Variants in COPS9 observed in about 807,000 individuals in gnomAD.
COPS9 encodes COP9 signalosome complex subunit 9.
Under a neutral mutation model 7.2 loss-of-function variants are expected in COPS9, and 8 were observed. That is an observed-to-expected ratio of 1.11 (90% CI 0.65 to 2.00). The LOEUF is 2.00. Ranked by LOEUF, COPS9 falls within the 30% of genes most tolerant of loss-of-function variation. The probability of loss-of-function intolerance (pLI) is 0.00; values close to 1 mark genes in which losing one functional copy is unlikely to be tolerated. For missense variants in COPS9, 74 were observed against 77.7 expected, an observed-to-expected ratio of 0.95 and a Z score of 0.18; for synonymous variants, 39 against 28.7, an observed-to-expected ratio of 1.36 and a Z score of -1.14.
chr2:240,135,741 C>T (rs2071970782), intron 1 of COPS9: 1 of 157,160 alleles, frequency 6.4e-6, no homozygotes, highest in African/African-American at 2.4e-5. Context: ...CCAGTCTTCC[C>T]TCATTCTAGT....
downstream of COPS9, among the ~76,000 whole-genome samples, chr2:240,130,361 T>C (rs1378870027): frequency 6.6e-6 from 1 of 152,230 alleles, no homozygotes; most frequent in African/African-American, 2.4e-5. Context: ...CAGTATCGAC[T>C]ACTGAGCTGG....
intron 1 of COPS9, 74 bp from the exon 2 acceptor site, chr2:240,134,079 ACTACCCCC>A: frequency 7.4e-7 from 1 of 1,352,916 alleles, no homozygotes; most frequent in Admixed American, 1.8e-5. Context: ...TTGCAGGGCC[ACTACCCCC>A]ACAAAAAAAG....
At position 240,136,294 on chromosome 2, in the gene COPS9, G is replaced by C. The variant is rs539035326; in HGVS notation, c.-10C>G. ...CCACCGCCGGCTTCATCTCGGGGCC[G>C]CGGCGCTCTAGGCTCACTTCCGGCC... On this transcript the variant is annotated 5_prime_UTR_variant, in exon 1 of 3. Transcript: ENST00000607357. 7 of 1,560,094 alleles carry C rather than the reference G, an allele frequency of 4.5e-6. No individual in the cohort carries two copies. Among genetic ancestry groups the C allele is most frequent in the African/African-American group, 4.2e-5 (3 of 70,656 alleles).
downstream of COPS9, among the ~76,000 whole-genome samples, chr2:240,127,537 A>C (rs1157114831): frequency 6.6e-6 from 1 of 152,084 alleles, no homozygotes; most frequent in Non-Finnish European, 1.5e-5. Flanking sequence ...TTCACATCGA[A>C]TCCTCACCCC....
downstream of COPS9, among the ~76,000 whole-genome samples, chr2:240,129,510 G>C (rs922266782): frequency 6.6e-6 from 1 of 152,128 alleles, no homozygotes; most frequent in South Asian, 2.1e-4. Flanking sequence ...CAGCTCGCTG[G>C]CAGTGGTGTT....
intron 2 of COPS9, among the ~76,000 whole-genome samples, 171 bp from the exon 3 acceptor site, chr2:240,131,259 T>C (rs777527379): frequency 8.5e-5 from 13 of 152,246 alleles, no homozygotes; most frequent in Non-Finnish European, 1.9e-4. Context: ...CCAGGGCTCG[T>C]ACATGTAGTC....
rs2071935031 is a variant in COPS9, at chr2:240,132,692, A to T, written c.136+1241T>A. The stretch of plus-strand genomic sequence containing the variant: ...CAGAGGATAAATGGGACTTTGAAGG[A>T]GATCATCAAAATGCAAGCGTGTGGT... On this transcript the variant is annotated intron_variant, in intron 2 of 2. Transcript: ENST00000607357. This position sits in a 1 kb window ranked among gnomAD's most constrained non-coding sequence, Gnocchi z 4.1. 6.6e-6 allele frequency among the ~76,000 whole-genome samples: 1 copy of T among 152,194 alleles called. No homozygotes were observed. The highest frequency in any genetic ancestry group is 2.1e-4 in the South Asian group (1 of 4,824).
downstream of COPS9, among the ~76,000 whole-genome samples, chr2:240,130,323 T>G (rs1004883297): frequency 1.6e-4 from 25 of 152,172 alleles, no homozygotes; most frequent in African/African-American, 5.6e-4. Context: ...GAGATGGATG[T>G]CAAACAGCAA....
chr2:240,129,728 G>C (rs577347249), downstream of COPS9, among the ~76,000 whole-genome samples: 1 of 152,200 alleles, frequency 6.6e-6, no homozygotes, highest in Non-Finnish European at 1.5e-5. Context: ...CAACTCTCAC[G>C]AAATGAATTG....
chr2:240,130,481 T>A (rs1011492776), downstream of COPS9, among the ~76,000 whole-genome samples: 10 of 152,210 alleles, frequency 6.6e-5, no homozygotes, highest in African/African-American at 2.4e-4. Context: ...CATCCTGTCG[T>A]CCTAGTTCTT....
chr2:240,136,140 G>A (rs2071988432), intron 1 of COPS9, 82 bp downstream of exon 1: 6 of 1,374,674 alleles, frequency 4.4e-6, no homozygotes, highest in Non-Finnish European at 5.6e-6. Context: ...CCCCTCCCCG[G>A]GACCCGCGCA....
chr2:240,136,169 G>T, intron 1 of COPS9, 53 bp downstream of exon 1: 1 of 1,322,200 alleles, frequency 7.6e-7, no homozygotes, highest in Non-Finnish European at 9.7e-7. Context: ...CCGCCCTTCC[G>T]CTCCCCCTTC....
chr2:240,129,738 G>T (rs546958535), downstream of COPS9, among the ~76,000 whole-genome samples: 1 of 152,224 alleles, frequency 6.6e-6, no homozygotes, highest in Non-Finnish European at 1.5e-5. Context: ...GAAATGAATT[G>T]CAAGAACATA....
chr2:240,130,158 G>A, downstream of COPS9: 1 of 683,646 alleles, frequency 1.5e-6, no homozygotes, highest in Non-Finnish European at 2.5e-6. Context: ...CAGTACAAAT[G>A]TCTCTTCTGT....
intron 1 of COPS9, among the ~76,000 whole-genome samples, chr2:240,135,695 G>A (rs1440372306): frequency 6.6e-6 from 1 of 152,212 alleles, no homozygotes; most frequent in African/African-American, 2.4e-5. Flanking sequence ...AATGCCAGAT[G>A]TCTCCTTTTC....
At chr2:240,126,601 C>A, downstream of COPS9, 5 of 1,614,186 alleles carry the variant, frequency 3.1e-6, no homozygotes, top group Non-Finnish European at 3.4e-6. Flanking sequence ...GTCTTCTTCC[C>A]TTCTTCTCCA....
downstream of COPS9, among the ~76,000 whole-genome samples, chr2:240,128,146 A>G (rs923043383): frequency 5.9e-5 from 9 of 152,230 alleles, no homozygotes; most frequent in Admixed American, 2.0e-4. Context: ...TGGGCGAATC[A>G]CAGACCTTCC....
intron 1 of COPS9, 200 bp downstream of exon 1, chr2:240,136,022 C>T (rs1315050814): frequency 1.1e-6 from 1 of 880,902 alleles, no homozygotes; most frequent in Non-Finnish European, 1.6e-6. Flanking sequence ...CACACGCTTC[C>T]CGCCGCGGTC....
intron 1 of COPS9, among the ~76,000 whole-genome samples, chr2:240,135,461 G>A (rs2071966759): frequency 6.6e-6 from 1 of 152,134 alleles, no homozygotes; most frequent in African/African-American, 2.4e-5. Context: ...CACCTCTGCA[G>A]CCCCTAAGCT....
Sources: gnomAD v4.1 joint callset for allele counts (sites outside exome capture counted in the v4.1 genomes callset) on GRCh38, gnomAD v4.1.1 for gene constraint, Gnocchi (gnomAD v3.1) non-coding constraint, MANE v1.5 for transcripts, NCBI Gene and HGNC (gene_info 2026-07-23, HGNC 2026-07-21) for gene names.